The following ENTREP2 variants were observed in gnomAD, a reference collection of about 807,000 sequenced individuals.
The protein encoded by ENTREP2 is endosomal transmembrane epsin interactor 2, also known as protein ENTREP2.
the ENTREP2 span, among the ~76,000 whole-genome samples, chr15:29,196,087 C>T: frequency 2.6e-5 from 4 of 152,038 alleles, no homozygotes; most frequent in South Asian, 8.3e-4. Context: ...AATAAATCCC[C>T]ATTTGTTCCC....
the ENTREP2 span, among the ~76,000 whole-genome samples, chr15:29,237,151 GC>G: frequency 2.2e-4 from 33 of 152,220 alleles, no homozygotes; most frequent in South Asian, 2.9e-3. Flanking sequence ...CAAGGAAGAA[GC>G]TTTTGACAAA....
chr15:29,622,196 G>GTTTAT, the ENTREP2 span, among the ~76,000 whole-genome samples: 10,822 of 151,486 alleles, frequency 0.071, 447 homozygotes, highest in East Asian at 0.15. Flanking sequence ...GGTTAAAATA[G>GTTTAT]TTTATTTTAT....
the ENTREP2 span, among the ~76,000 whole-genome samples, chr15:29,385,034 G>A: frequency 1.3e-5 from 2 of 152,014 alleles, no homozygotes; most frequent in African/African-American, 2.4e-5. Flanking sequence ...CCTCACTCAC[G>A]AAGAGCCTAG....
At chr15:29,287,759 A>T in the ENTREP2 span, among the ~76,000 whole-genome samples, 3 of 152,246 alleles carry the variant, frequency 2.0e-5, no homozygotes, top group African/African-American at 7.2e-5. Flanking sequence ...TGACCAATTT[A>T]CTAAAAAGCT....
the ENTREP2 span, among the ~76,000 whole-genome samples, chr15:29,302,320 G>A: frequency 3.3e-5 from 5 of 151,990 alleles, no homozygotes; most frequent in East Asian, 1.9e-4. Flanking sequence ...TCAACTTATC[G>A]TCTTGGTATT....
the ENTREP2 span, among the ~76,000 whole-genome samples, chr15:29,364,351 G>A: frequency 6.6e-6 from 1 of 152,196 alleles, no homozygotes; most frequent in South Asian, 2.1e-4. Flanking sequence ...CTGTGCCTCA[G>A]CTTCTCTTTT....
the ENTREP2 span, among the ~76,000 whole-genome samples, chr15:29,562,769 T>C: frequency 7.2e-6 from 1 of 138,922 alleles, no homozygotes; most frequent in Admixed American, 7.3e-5. Context: ...TTGGTTTTTT[T>C]TGGTGTTTTT....
chr15:29,372,653 T>C, the ENTREP2 span, among the ~76,000 whole-genome samples: 1 of 152,204 alleles, frequency 6.6e-6, no homozygotes, highest in African/African-American at 2.4e-5. Context: ...TGTGTAACTT[T>C]ACAAACTCAT....
At chr15:29,301,777 C>A in the ENTREP2 span, among the ~76,000 whole-genome samples, 1 of 152,142 alleles carries the variant, frequency 6.6e-6, no homozygotes, top group African/African-American at 2.4e-5. Context: ...GAGGGCGTAA[C>A]CTTAATGAAT....
the ENTREP2 span, among the ~76,000 whole-genome samples, chr15:29,327,703 G>T: frequency 6.6e-6 from 1 of 152,026 alleles, no homozygotes; most frequent in Non-Finnish European, 1.5e-5. Context: ...GCCAGTAGGG[G>T]ACTGCAAATT....
At chr15:29,654,648 T>C in the ENTREP2 span, among the ~76,000 whole-genome samples, 3 of 152,344 alleles carry the variant, frequency 2.0e-5, no homozygotes, top group African/African-American at 7.2e-5. Flanking sequence ...AAGGTATCTT[T>C]CCTTATCTTG....
At chr15:29,245,365 A>G in the ENTREP2 span, among the ~76,000 whole-genome samples, 1 of 152,160 alleles carries the variant, frequency 6.6e-6, no homozygotes, top group Non-Finnish European at 1.5e-5. Context: ...AAACCCGAAA[A>G]TACTGAGGGG....
chr15:29,160,708 CAAAA>C, the ENTREP2 span, among the ~76,000 whole-genome samples: 3 of 36,266 alleles, frequency 8.3e-5, no homozygotes, highest in Admixed American at 3.2e-4. Context: ...GACTCTGTCT[CAAAA>C]AAAAAAAAAA....
the ENTREP2 span, among the ~76,000 whole-genome samples, chr15:29,657,189 A>G: frequency 3.4e-5 from 5 of 148,834 alleles, no homozygotes; most frequent in African/African-American, 9.9e-5. Flanking sequence ...CTGGGACTAC[A>G]CGCGCCCACC....
At chr15:29,636,295 A>T in the ENTREP2 span, among the ~76,000 whole-genome samples, 1 of 152,178 alleles carries the variant, frequency 6.6e-6, no homozygotes, top group Non-Finnish European at 1.5e-5. Flanking sequence ...GGCCAATGGA[A>T]CGTTAGCAGT....
the ENTREP2 span, among the ~76,000 whole-genome samples, chr15:29,312,043 A>T: frequency 6.6e-6 from 1 of 152,242 alleles, no homozygotes; most frequent in African/African-American, 2.4e-5. Context: ...GATAGGATAA[A>T]GTCATGCCTA....
chr15:29,351,088 A>G, the ENTREP2 span, among the ~76,000 whole-genome samples: 1 of 152,240 alleles, frequency 6.6e-6, no homozygotes, highest in Non-Finnish European at 1.5e-5. Context: ...TGGTAACTTC[A>G]TCATTGTGCA....
the ENTREP2 span, chr15:29,136,310 A>T: frequency 1.4e-6 from 2 of 1,440,526 alleles, no homozygotes; most frequent in Non-Finnish European, 1.8e-6. Context: ...GCAGGCCGGG[A>T]CGGTGTCCCT....
chr15:29,665,519 AC>A, the ENTREP2 span, among the ~76,000 whole-genome samples: 1 of 152,110 alleles, frequency 6.6e-6, no homozygotes, highest in Non-Finnish European at 1.5e-5. Flanking sequence ...GAACCCTTAC[AC>A]CCCTCTGAAT....
Sources: allele counts gnomAD v4.1 joint callset (sites outside exome capture counted in the v4.1 genomes callset), GRCh38; gene constraint gnomAD v4.1.1; transcripts MANE v1.5; gene names NCBI Gene and HGNC (gene_info 2026-07-23, HGNC 2026-07-21).